BAZ1B: variants seen among roughly 807,000 people sequenced by gnomAD.
The protein encoded by BAZ1B is bromodomain adjacent to zinc finger domain 1B.
Under a neutral mutation model 153.8 loss-of-function variants are expected in BAZ1B, and 22 were observed. That is an observed-to-expected ratio of 0.14 (90% CI 0.10 to 0.20). The LOEUF (loss-of-function observed/expected upper bound fraction) is 0.20. BAZ1B is among the 10% of genes least tolerant of loss of function. The probability of loss-of-function intolerance (pLI) is 1.00; values close to 1 mark genes in which losing one functional copy is unlikely to be tolerated. For missense variants in BAZ1B, 1,325 were observed against 1,799.3 expected, an observed-to-expected ratio of 0.74 and a Z score of 4.77; for synonymous variants, 676 against 633.4, an observed-to-expected ratio of 1.07 and a Z score of -1.01.
chr7:73,498,485 T>C lies in BAZ1B; in HGVS notation c.571+12A>G, dbSNP rs377021323. The C allele has an allele frequency of 5.6e-6, 9 of 1,608,754 alleles. No homozygotes were observed. Among genetic ancestry groups the C allele is most frequent in the Middle Eastern group, 3.3e-4 (2 of 6,038 alleles). On this transcript the variant is annotated intron_variant, in intron 4 of 19. Coordinates refer to ENST00000339594, the MANE Select transcript of BAZ1B (RefSeq NM_032408.4). ...CTCATAAAACACTAAGGAAAGCTAA[T>C]ATCAAACATACTAATACTCTCTCTC...
chr7:73,494,172 A>G (rs1789778059), intron 4 of BAZ1B, among the ~76,000 whole-genome samples: 1 of 151,992 alleles, frequency 6.6e-6, no homozygotes, highest in Admixed American at 6.6e-5. Context: ...ACTTGAGCTC[A>G]AGAATTCGAG....
chr7:73,444,895 T>C (rs1554566120), intron 16 of BAZ1B, among the ~76,000 whole-genome samples: 1 of 152,032 alleles, frequency 6.6e-6, no homozygotes, highest in Non-Finnish European at 1.5e-5. Context: ...ATGCTGGTAA[T>C]CCCAGCTACT....
chr7:73,504,491 G>A (rs921512959), intron 3 of BAZ1B, among the ~76,000 whole-genome samples: 6 of 151,946 alleles, frequency 3.9e-5, no homozygotes, highest in African/African-American at 1.5e-4. Flanking sequence ...GTGAAACCCC[G>A]TCCCTACTAA....
intron 1 of BAZ1B, among the ~76,000 whole-genome samples, chr7:73,520,530 C>G (rs1250741730): frequency 1.3e-5 from 2 of 152,108 alleles, no homozygotes; most frequent in African/African-American, 2.4e-5. Context: ...TGGGCCAACT[C>G]AGCAAACCAA....
At chr7:73,503,619 C>T (rs1286231030) in intron 3 of BAZ1B, among the ~76,000 whole-genome samples, 3 of 152,194 alleles carry the variant, frequency 2.0e-5, no homozygotes, top group African/African-American at 7.2e-5. Flanking sequence ...AAGCCAACCT[C>T]CCGCCTCAGC....
At chr7:73,509,843 C>T (rs373974265) in intron 2 of BAZ1B, among the ~76,000 whole-genome samples, 1 of 151,900 alleles carries the variant, frequency 6.6e-6, no homozygotes, top group Admixed American at 6.6e-5. Flanking sequence ...ATTATCATAC[C>T]CGGTTGGGTG....
intron 5 of BAZ1B, 60 bp downstream of exon 5, chr7:73,492,740 A>G: frequency 6.8e-7 from 1 of 1,471,174 alleles, no homozygotes; most frequent in Non-Finnish European, 9.2e-7. Flanking sequence ...AACAAAAGCA[A>G]CCCTATGATA....
At chr7:73,448,059 C>T (rs1787901839) in intron 15 of BAZ1B, among the ~76,000 whole-genome samples, 1 of 152,206 alleles carries the variant, frequency 6.6e-6, no homozygotes, top group African/African-American at 2.4e-5. Flanking sequence ...AATCCCAGCA[C>T]TTTGGGAGGC....
intron 2 of BAZ1B, 31 bp downstream of exon 2, chr7:73,510,705 G>T: frequency 6.4e-7 from 1 of 1,571,392 alleles, no homozygotes; most frequent in South Asian, 1.1e-5. Context: ...ATGTGAAGAT[G>T]GTGGCAAAGA....
chr7:73,500,781 T>G (rs1325373791), intron 3 of BAZ1B, among the ~76,000 whole-genome samples: 2 of 151,354 alleles, frequency 1.3e-5, no homozygotes, highest in African/African-American at 4.9e-5. Context: ...ATCCCAGCTA[T>G]TCAGGCAGCT....
At chr7:73,511,887 C>T (rs1790593956) in intron 1 of BAZ1B, among the ~76,000 whole-genome samples, 1 of 150,890 alleles carries the variant, frequency 6.6e-6, no homozygotes, top group African/African-American at 2.4e-5. Context: ...AAAAATTAGC[C>T]GGGCTTGGTG....
intron 16 of BAZ1B, among the ~76,000 whole-genome samples, chr7:73,446,805 A>C (rs1322940470): frequency 6.6e-6 from 1 of 152,222 alleles, no homozygotes; most frequent in Non-Finnish European, 1.5e-5. Flanking sequence ...TTTTCAAACC[A>C]GCAAAGCTAT....
At position 73,451,633 on chromosome 7, in the gene BAZ1B, A is replaced by T. The variant is rs540013949; in HGVS notation, c.3433-639T>A. Among the ~76,000 whole-genome samples the T allele has an allele frequency of 9.8e-5, 15 of 152,376 alleles. No individual in the cohort carries two copies. The South Asian group carries it at 3.1e-3, about 32-fold the overall frequency. ...GTGTATAAATTTATGAATAACAAGG[A>T]TAAGTAATATAAACACACATACAAA... On this transcript the variant is annotated intron_variant, in intron 13 of 19. Transcript: ENST00000339594.
chr7:73,515,724 GA>G (rs1403698963), intron 1 of BAZ1B, among the ~76,000 whole-genome samples: 1 of 151,754 alleles, frequency 6.6e-6, no homozygotes, highest in Non-Finnish European at 1.5e-5. Context: ...TTTTTTTGTA[GA>G]GACAGGGTTT....
intron 16 of BAZ1B, among the ~76,000 whole-genome samples, chr7:73,444,497 C>A (rs1247398372): frequency 6.6e-6 from 1 of 152,232 alleles, no homozygotes; most frequent in Non-Finnish European, 1.5e-5. Context: ...GGATTTCCCA[C>A]AGCCCAAGCT....
intron 6 of BAZ1B, among the ~76,000 whole-genome samples, chr7:73,482,221 T>C (rs28533562): frequency 7.7e-4 from 118 of 152,314 alleles, no homozygotes; most frequent in African/African-American, 2.7e-3. Context: ...CAGAACTGTA[T>C]TTCAAAATGC....
At chr7:73,494,516 G>T (rs1370442648) in intron 4 of BAZ1B, among the ~76,000 whole-genome samples, 1 of 152,144 alleles carries the variant, frequency 6.6e-6, no homozygotes, top group Admixed American at 6.5e-5. Context: ...AGGCTGAGGT[G>T]GGGAGACTGC....
rs781954580 is a variant in BAZ1B, at chr7:73,508,313, G to A, written c.369+14C>T. The A allele has an allele frequency of 9.9e-6, 16 of 1,610,420 alleles. No homozygotes were observed. The highest frequency in any genetic ancestry group is 1.1e-5 in the Non-Finnish European group (13 of 1,178,032). ...TCTGATGGTAAGTCAAATCAGAAAC[G>A]AACAGGCACTCACCTCGAAGTCACA... On this transcript the variant is annotated intron_variant, in intron 3 of 19. Coordinates refer to ENST00000339594, the MANE Select transcript of BAZ1B (RefSeq NM_032408.4).
intron 6 of BAZ1B, among the ~76,000 whole-genome samples, chr7:73,485,080 G>A (rs897001114): frequency 4.6e-5 from 7 of 152,030 alleles, no homozygotes; most frequent in Admixed American, 1.3e-4. Context: ...CTGTAGTTAC[G>A]TTGGAAAATA....
Sources: gnomAD v4.1 joint callset for allele counts (sites outside exome capture counted in the v4.1 genomes callset) on GRCh38, gnomAD v4.1.1 for gene constraint, MANE v1.5 for transcripts, NCBI Gene and HGNC (gene_info 2026-07-23, HGNC 2026-07-21) for gene names.